C11orf21: variants seen among roughly 807,000 people sequenced by gnomAD.
The protein encoded by C11orf21 is chromosome 11 open reading frame 21.
In C11orf21, 19 loss-of-function variants were observed where a neutral mutation model predicts 15.2. The observed-to-expected ratio is 1.25, with a 90% confidence interval of 0.87 to 1.84. The LOEUF (loss-of-function observed/expected upper bound fraction) is 1.84, where lower values mean the gene tolerates loss of function less well. C11orf21 is among the 40% of genes most tolerant of loss of function. C11orf21 has a pLI of 0.00. For synonymous variants in C11orf21, 62 were observed against 66.8 expected (o/e 0.93, Z 0.35); for missense variants, 171 against 174.4 (o/e 0.98, Z 0.11).
chr11:2,301,988 C>G (rs1291616694), upstream of C11orf21: 5 of 1,493,574 alleles, frequency 3.3e-6, no homozygotes, highest in Non-Finnish European at 4.4e-6. Flanking sequence ...TGCCCTTCTT[C>G]CGGGGCACCC....
intron 1 of C11orf21, 131 bp downstream of exon 1, chr11:2,301,625 G>C (rs1456879018): frequency 1.3e-6 from 1 of 754,472 alleles, no homozygotes; most frequent in East Asian, 2.8e-5. Context: ...GCTGTCACAG[G>C]ACATTTCAAA....
chr11:2,302,009 T>A, upstream of C11orf21: 1 of 1,491,164 alleles, frequency 6.7e-7, no homozygotes, highest in Non-Finnish European at 8.9e-7. Context: ...AGCAGCTCGG[T>A]CCTAGGGCGA....
upstream of C11orf21, chr11:2,303,101 G>T (rs143395625): frequency 4.8e-4 from 341 of 709,236 alleles, 5 homozygotes; most frequent in East Asian, 9.4e-3. Context: ...GGGAGGGGCT[G>T]CCCTGGAGTC....
upstream of C11orf21, chr11:2,302,699 C>T (rs928753402): frequency 1.3e-5 from 9 of 680,608 alleles, no homozygotes; most frequent in East Asian, 1.4e-4. Flanking sequence ...GACCACTCCA[C>T]GGAAACACCG....
chr11:2,299,340 G>T, intron 3 of C11orf21, 88 bp downstream of exon 3: 1 of 1,380,044 alleles, frequency 7.2e-7, no homozygotes, highest in Non-Finnish European at 9.7e-7. Context: ...CAGGTGGGAA[G>T]CTCTTGAGTG....
chr11:2,299,276 G>A (rs1394048714), intron 3 of C11orf21, 152 bp downstream of exon 3: 4 of 774,406 alleles, frequency 5.2e-6, no homozygotes, highest in Non-Finnish European at 8.0e-6. Flanking sequence ...AGATTCAGGT[G>A]CCCGCGTGGC....
chr11:2,302,336 T>C, upstream of C11orf21: 1 of 1,143,036 alleles, frequency 8.7e-7, no homozygotes, highest in South Asian at 2.7e-5. Context: ...ACTGTCCCTG[T>C]CCTGCCCTTG....
rs192748420 is a variant in C11orf21 at position 2,295,992 on chromosome 11, C to T, written c.*1958G>A. Reference sequence around the variant, plus strand: ...TTGATTTGCCCCAGTGATCAGTAGTCATATCTGGAACAGCAGTTGCAATTG... The same window carrying T: ...TTGATTTGCCCCAGTGATCAGTAGTTATATCTGGAACAGCAGTTGCAATTG... On this transcript the variant is annotated 3_prime_UTR_variant, in exon 4 of 4. Transcript: ENST00000381153. This position sits in a 1 kb window ranked among gnomAD's most constrained non-coding sequence, Gnocchi z 5.4. The T allele has an allele frequency of 3.9e-5, 6 of 152,302 alleles. No individual in the cohort carries two copies. The allele number at this position is 152,302 out of a possible 1,614,324, so 9.4% of individuals were successfully genotyped here.
chr11:2,301,954 C>A, upstream of C11orf21: 1 of 1,499,146 alleles, frequency 6.7e-7, no homozygotes, highest in South Asian at 1.3e-5. Flanking sequence ...GGGAGCCAAC[C>A]TCACTGCCCC....
chr11:2,302,730 T>C (rs1201492838), upstream of C11orf21: 2 of 809,162 alleles, frequency 2.5e-6, no homozygotes, highest in Non-Finnish European at 4.0e-6. Context: ...CAGCTGAGCC[T>C]GTCTCTCACG....
Position 2,297,852 on chromosome 11 carries a change from C to T in C11orf21, c.*98G>A, listed in dbSNP as rs974332075. 1.3e-5 allele frequency: 2 copies of T among 152,280 alleles called. No homozygotes were observed. Among genetic ancestry groups the T allele is most frequent in the Non-Finnish European group, 2.9e-5 (2 of 68,092 alleles). The allele number at this position is 152,280 out of a possible 1,614,324, so 9.4% of individuals were successfully genotyped here. Reference sequence around the variant, plus strand: ...TCCAATATCAAGGTGCTGCTGATTCCAGTCTTGGTGAGGGCTCTCTTCCTG... The same window carrying T: ...TCCAATATCAAGGTGCTGCTGATTCTAGTCTTGGTGAGGGCTCTCTTCCTG... On this transcript the variant is annotated 3_prime_UTR_variant, in exon 4 of 4. Coordinates refer to ENST00000381153, the MANE Select transcript of C11orf21 (RefSeq NM_001329958.2).
upstream of C11orf21, chr11:2,303,013 C>G: frequency 1.3e-6 from 2 of 1,499,082 alleles, no homozygotes; most frequent in Non-Finnish European, 1.8e-6. Flanking sequence ...GCAAGGGTGG[C>G]TGGCACGAGC....
In C11orf21 at chr11:2,301,821, C is replaced by T; in HGVS notation, c.-13G>A. 1 of 1,550,918 alleles carries T rather than the reference C, an allele frequency of 6.4e-7. No individual in the cohort carries two copies. The highest frequency in any genetic ancestry group is 8.7e-7 in the Non-Finnish European group (1 of 1,146,954). On this transcript the variant is annotated 5_prime_UTR_variant, in exon 1 of 4. Transcript: ENST00000381153. ...AGGTCCTGCCCATGACTTTCCCCCT[C>T]TCAGCGCCGTCCTCAGTGGCCACAC...
Position 2,299,578 on chromosome 11 carries a change from G to T in C11orf21, c.277C>A (p.Leu93Ile), listed in dbSNP as rs1847623169. ...AGGGGCAACTGCCCAGGTAAACTGA[G>T]ACAGCAGCAGCAGGCAAGCCAGTGC... The part of the protein sequence containing the change: ...ALHWLACCCC[L>I]SLPGQLPLAI... The change falls in exon 3 of 4, where the codon CTC becomes ATC. Residue 93 changes from leucine to isoleucine, a missense_variant. Physicochemically the swap from Leu to Ile is conservative, Grantham distance 5. Transcript: ENST00000381153. 1 of 1,550,880 alleles carries T rather than the reference G, an allele frequency of 6.4e-7. No individual in the cohort carries two copies. The highest frequency in any genetic ancestry group is 8.7e-7 in the Non-Finnish European group (1 of 1,146,990).
intron 2 of C11orf21, among the ~76,000 whole-genome samples, chr11:2,300,143 GTGTGGGGTGGGCAGGGGCA>G (rs1316252737): frequency 1.1e-4 from 6 of 55,924 alleles, no homozygotes; most frequent in Admixed American, 1.5e-4. Context: ...GGGCAGGGGT[GTGTGGGGTGGGCAGGGGCA>G]TGTGGGGTGG....
chr11:2,300,391 C>G, intron 2 of C11orf21, 129 bp downstream of exon 2: 1 of 668,668 alleles, frequency 1.5e-6, no homozygotes, highest in South Asian at 1.9e-5. Flanking sequence ...GTGGCTTCCC[C>G]TCAACAAGCC....
upstream of C11orf21, among the ~76,000 whole-genome samples, chr11:2,302,423 G>A (rs1847809306): frequency 6.6e-6 from 1 of 152,232 alleles, no homozygotes; most frequent in African/African-American, 2.4e-5. Flanking sequence ...CTCCTCCTGA[G>A]GGGCAGCACA....
chr11:2,301,969 C>A, upstream of C11orf21: 1 of 1,490,310 alleles, frequency 6.7e-7, no homozygotes, highest in South Asian at 1.3e-5. Flanking sequence ...TGCCCCTCCC[C>A]TTCCTGCCTG....
chr11:2,300,632 C>T lies in C11orf21; in HGVS notation c.54-19G>A. On this transcript the variant is annotated intron_variant, in intron 1 of 3. Coordinates refer to ENST00000381153, the MANE Select transcript of C11orf21 (RefSeq NM_001329958.2). ...CACAGCGCTGGTGTGAGAAGGAGGC[C>T]ATCAGGACAGGTCAAGAACCCAGGC... 6.4e-7 allele frequency: 1 copy of T among 1,550,668 alleles called. No individual in the cohort carries two copies. The highest frequency in any genetic ancestry group is 2.4e-5 in the East Asian group (1 of 40,906).
Sources: gnomAD v4.1 joint callset for allele counts (sites outside exome capture counted in the v4.1 genomes callset) on GRCh38, gnomAD v4.1.1 for gene constraint, Gnocchi (gnomAD v3.1) non-coding constraint, MANE v1.5 for transcripts, NCBI Gene and HGNC (gene_info 2026-07-23, HGNC 2026-07-21) for gene names.